CLVS2: variants seen among roughly 807,000 people sequenced by gnomAD.
The protein encoded by CLVS2 is clavesin 2, also known as clavesin-2.
A neutral mutation model predicts 29.0 loss-of-function variants in CLVS2; 19 were observed. The ratio of observed to expected loss-of-function variants is 0.66; its 90% CI spans 0.46 to 0.96. The LOEUF is 0.96. Ranked by LOEUF, CLVS2 falls within the 40% of genes least tolerant of loss-of-function variation. CLVS2 has a pLI of 0.00. For missense variants in CLVS2, 294 were observed against 404.1 expected, an observed-to-expected ratio of 0.73 and a Z score of 2.34; for synonymous variants, 161 against 151.3, an observed-to-expected ratio of 1.06 and a Z score of -0.47.
chr6:123,004,601 T>C (rs1437862224), intron 2 of CLVS2, among the ~76,000 whole-genome samples: 1 of 152,154 alleles, frequency 6.6e-6, no homozygotes, highest in South Asian at 2.1e-4. Flanking sequence ...TTCTGACATA[T>C]ATATTATGCT....
intron 3 of CLVS2, among the ~76,000 whole-genome samples, chr6:123,014,500 C>G (rs770823351): frequency 6.6e-6 from 1 of 152,002 alleles, no homozygotes; most frequent in African/African-American, 2.4e-5. Context: ...TAAAGGCAGA[C>G]AGAACAGGAT....
intron 2 of CLVS2, among the ~76,000 whole-genome samples, chr6:123,010,425 T>C (rs1277202491): frequency 6.6e-6 from 1 of 152,070 alleles, no homozygotes; most frequent in Admixed American, 6.6e-5. Context: ...TTATTGTAGG[T>C]AAATTTCCAT....
chr6:123,040,060 G>T (rs185131861), intron 3 of CLVS2, among the ~76,000 whole-genome samples: 3 of 152,214 alleles, frequency 2.0e-5, no homozygotes, highest in Admixed American at 2.0e-4. Context: ...TCGTATCAAG[G>T]GTCCAGGCTT....
Position 123,018,656 on chromosome 6 carries a change from T to C in CLVS2, c.564+7497T>C, listed in dbSNP as rs1449639277. Among the ~76,000 whole-genome samples, 5 of 141,362 alleles carry C rather than the reference T, an allele frequency of 3.5e-5. No homozygotes were observed. In the East Asian group the frequency reaches 6.5e-4, roughly 18 times the overall value. The allele number at this position is 141,362 out of a possible 152,430, so 92.7% of individuals were successfully genotyped here. ...AAACTAAAATACTCTTTTTTCTTTA[T>C]GTTCTGAATAGCTTTTTTTTTTTTT... is the stretch of plus-strand genomic sequence containing the variant. On this transcript the variant is annotated intron_variant, in intron 3 of 5. Coordinates refer to ENST00000275162, the MANE Select transcript of CLVS2 (RefSeq NM_001010852.4).
chr6:123,056,072 G>C (rs912688809), intron 5 of CLVS2, 46 bp downstream of exon 5: 1 of 1,283,464 alleles, frequency 7.8e-7, no homozygotes, highest in African/African-American at 1.5e-5. Flanking sequence ...AGGGCAGGGA[G>C]AGGCATCCTG....
At chr6:123,055,731 TC>T (rs1453300750) in intron 4 of CLVS2, 74 bp from the exon 5 acceptor site, 16 of 1,042,672 alleles carry the variant, frequency 1.5e-5, no homozygotes, top group Non-Finnish European at 1.9e-5. Flanking sequence ...TATCCTCACA[TC>T]CCCCCTGTAG....
At chr6:123,061,967 A>C (rs1265320223) in intron 5 of CLVS2, among the ~76,000 whole-genome samples, 1 of 152,102 alleles carries the variant, frequency 6.6e-6, no homozygotes, top group Non-Finnish European at 1.5e-5. Flanking sequence ...TGAGTTCTTA[A>C]TACTGAAGTT....
chr6:123,059,977 G>T (rs1284753936), intron 5 of CLVS2, among the ~76,000 whole-genome samples: 1 of 152,154 alleles, frequency 6.6e-6, no homozygotes, highest in Non-Finnish European at 1.5e-5. Context: ...AAACATTTAT[G>T]ATTCTATGGA....
At chr6:123,063,638 G>A in intron 5 of CLVS2, 36 bp from the exon 6 acceptor site, 1 of 1,224,528 alleles carries the variant, frequency 8.2e-7, no homozygotes, top group Non-Finnish European at 1.2e-6. Context: ...CAATTACCTG[G>A]TAATAACTCA....
intron 3 of CLVS2, among the ~76,000 whole-genome samples, chr6:123,034,980 G>A (rs887840959): frequency 6.6e-6 from 1 of 152,108 alleles, no homozygotes; most frequent in African/African-American, 2.4e-5. Flanking sequence ...CCCACTACCA[G>A]CATTGTGCCA....
At position 123,046,673 on chromosome 6, in the gene CLVS2, AT is replaced by A. The variant is rs1432051907; in HGVS notation, c.565-1948del. On this transcript the variant is annotated intron_variant, in intron 3 of 5. Coordinates refer to ENST00000275162, the MANE Select transcript of CLVS2 (RefSeq NM_001010852.4). ...AACTCAGTCTCAAAAAAAAAAAAAAATAATAATAATAATCACTTGAGCCAAG... is the reference window on the plus strand; with the variant it reads ...AACTCAGTCTCAAAAAAAAAAAAAAAAATAATAATAATCACTTGAGCCAAG... Among the ~76,000 whole-genome samples, 634 of 150,618 alleles carry A rather than the reference AT, an allele frequency of 4.2e-3. 3 individuals carry two copies. Among genetic ancestry groups the A allele is most frequent in the African/African-American group, 0.015 (598 of 40,734 alleles).
At chr6:123,021,590 G>A (rs1348939690) in intron 3 of CLVS2, among the ~76,000 whole-genome samples, 1 of 151,840 alleles carries the variant, frequency 6.6e-6, no homozygotes, top group Non-Finnish European at 1.5e-5. Flanking sequence ...TTGTATTATA[G>A]GTTTATATGC....
Position 122,998,058 on chromosome 6 carries a change from C to A in CLVS2, c.281C>A (p.Pro94His), listed in dbSNP as rs1314483445. 1 of 1,614,060 alleles carries A rather than the reference C, an allele frequency of 6.2e-7. No individual in the cohort carries two copies. The highest frequency in any genetic ancestry group is 1.3e-5 in the African/African-American group (1 of 74,922). The change falls in exon 2 of 6, where the codon CCT becomes CAT. Residue 94 changes from proline (P) to histidine (H), a missense_variant. Coordinates refer to ENST00000275162, the MANE Select transcript of CLVS2 (RefSeq NM_001010852.4). ...DMFKSFKATD[P>H]GIKQALKDGF... ...TTCAAAAGCTTTAAGGCCACCGACC[C>A]TGGCATCAAGCAGGCACTGAAGGAT...
At chr6:123,022,322 T>A (rs193190772) in intron 3 of CLVS2, among the ~76,000 whole-genome samples, 19 of 152,156 alleles carry the variant, frequency 1.2e-4, no homozygotes, top group African/African-American at 4.3e-4. Context: ...TTCACCATAG[T>A]TTGTACTGTC....
At chr6:123,049,100 T>C (rs1772565491) in intron 4 of CLVS2, among the ~76,000 whole-genome samples, 1 of 152,230 alleles carries the variant, frequency 6.6e-6, no homozygotes. Context: ...GGTAAGTGGA[T>C]GTTTTTTCAC....
chr6:123,020,983 CTCTT>C (rs369564776), intron 3 of CLVS2, among the ~76,000 whole-genome samples: 4 of 151,064 alleles, frequency 2.6e-5, no homozygotes, highest in Non-Finnish European at 4.4e-5. Flanking sequence ...TCTTTTCTCT[CTCTT>C]TCTTTTGTTT....
chr6:123,028,010 C>G (rs1326650299), intron 3 of CLVS2, among the ~76,000 whole-genome samples: 1 of 152,086 alleles, frequency 6.6e-6, no homozygotes, highest in Non-Finnish European at 1.5e-5. Flanking sequence ...AAAATCTGAT[C>G]AAATGTTGGT....
chr6:123,012,880 C>A (rs1374749354), intron 3 of CLVS2, among the ~76,000 whole-genome samples: 3 of 151,976 alleles, frequency 2.0e-5, no homozygotes, highest in African/African-American at 7.2e-5. Context: ...AATTAAGACG[C>A]CACTTAAGAG....
intron 3 of CLVS2, among the ~76,000 whole-genome samples, chr6:123,022,232 T>A (rs1254906138): frequency 1.3e-5 from 2 of 152,140 alleles, no homozygotes; most frequent in Non-Finnish European, 2.9e-5. Context: ...CACATGTACA[T>A]TTTATCTTCT....
Sources: allele counts gnomAD v4.1 joint callset (sites outside exome capture counted in the v4.1 genomes callset), GRCh38; gene constraint gnomAD v4.1.1; transcripts MANE v1.5; gene names NCBI Gene and HGNC (gene_info 2026-07-23, HGNC 2026-07-21).